The following KLHL1 variants were observed in gnomAD, a reference collection of about 807,000 sequenced individuals.
KLHL1 encodes the protein kelch-like protein 1.
KLHL1 carries 47 observed loss-of-function variants against 77.7 expected under a neutral mutation model. The observed-to-expected ratio is 0.60, with a 90% CI of 0.48 to 0.77. KLHL1 has a LOEUF of 0.77. Ranked by LOEUF, KLHL1 falls within the 30% of genes least tolerant of loss-of-function variation. The pLI, the probability that KLHL1 is intolerant of heterozygous loss-of-function variation, is 0.00. For missense variants in KLHL1, 925 were observed against 910.8 expected (o/e 1.02, Z -0.20); for synonymous variants, 360 against 325.2 (o/e 1.11, Z -1.15).
intron 1 of KLHL1, among the ~76,000 whole-genome samples, chr13:70,009,297 C>T (rs1220195883): frequency 6.6e-6 from 1 of 152,008 alleles, no homozygotes; most frequent in Non-Finnish European, 1.5e-5. Flanking sequence ...ATGAGGGCAG[C>T]TGATGTCATT....
At chr13:70,051,722 T>C (rs2137392690) in intron 1 of KLHL1, among the ~76,000 whole-genome samples, 1 of 152,106 alleles carries the variant, frequency 6.6e-6, no homozygotes, top group Non-Finnish European at 1.5e-5. Flanking sequence ...ATGACTCAAT[T>C]ATATTGTGGG....
chr13:70,049,583 T>A (rs1376317240), intron 1 of KLHL1, among the ~76,000 whole-genome samples: 1 of 152,198 alleles, frequency 6.6e-6, no homozygotes, highest in Non-Finnish European at 1.5e-5. Flanking sequence ...TACATACTAA[T>A]ATAGGCTATG....
rs555949153 is a variant in KLHL1, at chr13:69,788,857, A to C, written c.1639+7881T>G. Among the ~76,000 whole-genome samples, 4 of 152,270 alleles carry C rather than the reference A, an allele frequency of 2.6e-5. No homozygotes were observed. The East Asian group carries it at 7.7e-4, about 29-fold the overall frequency. ...ATAGGTAATCTTTAAATTGCAGAAT[A>C]CAGGGGACCTTTTTCTGATTTATTA... On this transcript the variant is annotated intron_variant, in intron 7 of 10. Coordinates refer to ENST00000377844, the MANE Select transcript of KLHL1 (RefSeq NM_020866.3).
intron 8 of KLHL1, among the ~76,000 whole-genome samples, chr13:69,733,480 A>C (rs2137918035): frequency 6.6e-6 from 1 of 152,312 alleles, no homozygotes; most frequent in Non-Finnish European, 1.5e-5. Flanking sequence ...GAAATGATTA[A>C]TTTTCAGAAT....
At chr13:70,096,800 A>C (rs774130367) in intron 1 of KLHL1, among the ~76,000 whole-genome samples, 2 of 152,012 alleles carry the variant, frequency 1.3e-5, no homozygotes, top group Non-Finnish European at 2.9e-5. Flanking sequence ...GAGAAATCAC[A>C]ACATGGCTGG....
At chr13:70,076,326 C>T (rs773377667) in intron 1 of KLHL1, among the ~76,000 whole-genome samples, 3 of 145,792 alleles carry the variant, frequency 2.1e-5, no homozygotes, top group Non-Finnish European at 3.0e-5. Flanking sequence ...CAGACCCACA[C>T]AAACATAGTC....
intron 7 of KLHL1, among the ~76,000 whole-genome samples, chr13:69,792,603 T>C (rs1203729847): frequency 6.6e-6 from 1 of 152,180 alleles, no homozygotes; most frequent in East Asian, 1.9e-4. Context: ...GCATATATAG[T>C]AGTTTAAGTC....
chr13:70,024,538 AT>A (rs1383343969), intron 1 of KLHL1, among the ~76,000 whole-genome samples: 1 of 150,764 alleles, frequency 6.6e-6, no homozygotes, highest in Non-Finnish European at 1.5e-5. Context: ...TTTTTCTAGA[AT>A]TGTCTTTTTA....
chr13:69,765,044 C>A (rs1875225484), intron 7 of KLHL1, among the ~76,000 whole-genome samples: 1 of 142,238 alleles, frequency 7.0e-6, no homozygotes, highest in African/African-American at 2.6e-5. Context: ...CTCCACCTCC[C>A]AGGTTCAAGT....
At chr13:69,888,561 T>C (rs1881303213) in intron 4 of KLHL1, among the ~76,000 whole-genome samples, 1 of 152,088 alleles carries the variant, frequency 6.6e-6, no homozygotes, top group Admixed American at 6.6e-5. Flanking sequence ...AGGCAGAGAT[T>C]ATGTGTAGTT....
intron 1 of KLHL1, among the ~76,000 whole-genome samples, chr13:69,997,846 A>T (rs1885197208): frequency 6.7e-6 from 1 of 150,258 alleles, no homozygotes; most frequent in Non-Finnish European, 1.5e-5. Context: ...TTCTTTATTT[A>T]TTATTCTGTC....
intron 7 of KLHL1, among the ~76,000 whole-genome samples, chr13:69,763,864 A>C (rs1406239264): frequency 3.3e-5 from 5 of 152,232 alleles, no homozygotes; most frequent in Admixed American, 1.3e-4. Context: ...AGAAAACAGG[A>C]GATTCCAGCA....
rs186846255 is a variant in KLHL1, at chr13:70,107,094, C to A, written c.497+109G>T. On this transcript the variant is annotated intron_variant, in intron 1 of 10. Coordinates refer to ENST00000377844, the MANE Select transcript of KLHL1 (RefSeq NM_020866.3). ...TCAAAACCAGGGTGGCATCTCTTAA[C>A]CCACATTTTCAACCTGAAACATTTT... 2.4e-4 allele frequency: 354 copies of A among 1,486,212 alleles called. 1 individual carries two copies. The African/African-American group carries it at 4.4e-3, about 18-fold the overall frequency. 92.1% of individuals were successfully genotyped at this position (1,486,212 alleles called of 1,614,324 possible).
At chr13:69,876,057 T>G (rs933076041) in intron 5 of KLHL1, among the ~76,000 whole-genome samples, 1 of 151,960 alleles carries the variant, frequency 6.6e-6, no homozygotes, top group Non-Finnish European at 1.5e-5. Flanking sequence ...AAAATAAGAG[T>G]TTTAATTTTT....
chr13:69,740,381 A>T lies in KLHL1; in HGVS notation c.1802+13T>A. The T allele has an allele frequency of 6.6e-7, 1 of 1,523,976 alleles. No homozygotes were observed. The highest frequency in any genetic ancestry group is 8.9e-7 in the Non-Finnish European group (1 of 1,127,654). The allele number at this position is 1,523,976 out of a possible 1,614,324, so 94.4% of individuals were successfully genotyped here. A position where few individuals can be genotyped will look rare whatever the true frequency, so the allele number is the denominator to read the frequency against. On this transcript the variant is annotated intron_variant, in intron 8 of 10. Coordinates refer to ENST00000377844, the MANE Select transcript of KLHL1 (RefSeq NM_020866.3). ...TTTTCTAAGATTAAAAAATAAGAAAAAAATTTACTTACTTGCCATTCAATG... is the reference window on the plus strand; with the variant it reads ...TTTTCTAAGATTAAAAAATAAGAAATAAATTTACTTACTTGCCATTCAATG...
At chr13:70,049,257 T>G (rs1886574926) in intron 1 of KLHL1, among the ~76,000 whole-genome samples, 1 of 152,206 alleles carries the variant, frequency 6.6e-6, no homozygotes, top group Admixed American at 6.5e-5. Context: ...ATCAATTCTT[T>G]TATGTAAACC....
chr13:70,054,571 A>G (rs1416629379), intron 1 of KLHL1, among the ~76,000 whole-genome samples: 2 of 152,074 alleles, frequency 1.3e-5, no homozygotes, highest in Non-Finnish European at 2.9e-5. Context: ...TGGGTTCACA[A>G]GTATGAGTGA....
intron 9 of KLHL1, among the ~76,000 whole-genome samples, chr13:69,715,297 G>A (rs968631400): frequency 4.6e-5 from 7 of 152,118 alleles, no homozygotes; most frequent in African/African-American, 1.7e-4. Context: ...TAATGGGGGT[G>A]GTTTCCCCCA....
intron 1 of KLHL1, among the ~76,000 whole-genome samples, chr13:70,026,723 TG>T (rs1885954799): frequency 2.0e-5 from 3 of 151,494 alleles, no homozygotes; most frequent in Non-Finnish European, 4.4e-5. Context: ...TGTGTGTGTG[TG>T]TGTGTGTGTG....
Sources: allele counts gnomAD v4.1 joint callset (sites outside exome capture counted in the v4.1 genomes callset), GRCh38; gene constraint gnomAD v4.1.1; transcripts MANE v1.5; gene names NCBI Gene and HGNC (gene_info 2026-07-23, HGNC 2026-07-21).